Variants in SHLD2 observed in about 807,000 individuals in gnomAD.
SHLD2 encodes shieldin complex subunit 2, also known as RINN1-REV7-interacting novel NHEJ regulator 2.
Under a neutral mutation model 73.2 loss-of-function variants are expected in SHLD2, and 30 were observed. The ratio of observed to expected loss-of-function variants is 0.41; its 90% CI spans 0.31 to 0.56. The LOEUF is 0.56. Among genes scored for constraint, SHLD2 ranks in the 20% least tolerant of loss-of-function variants. The pLI, the probability that SHLD2 is intolerant of heterozygous loss-of-function variation, is 0.28. For missense variants in SHLD2, 745 were observed against 1,055.9 expected (o/e 0.71, Z 4.08); for synonymous variants, 285 against 370.1 (o/e 0.77, Z 2.64).
chr10:87,162,561 G>T (rs1846892205), intron 4 of SHLD2, among the ~76,000 whole-genome samples: 1 of 152,104 alleles, frequency 6.6e-6, no homozygotes, highest in African/African-American at 2.4e-5. Context: ...CGGTGTGGTG[G>T]TGCATGCCTA....
chr10:87,190,239 A>T (rs924492094), intron 9 of SHLD2, among the ~76,000 whole-genome samples: 5 of 152,140 alleles, frequency 3.3e-5, no homozygotes, highest in East Asian at 1.9e-4. Context: ...TTGTATTTTT[A>T]GTAGAGACAG....
chr10:87,133,854 T>C (rs2134173135), intron 2 of SHLD2, among the ~76,000 whole-genome samples: 1 of 152,358 alleles, frequency 6.6e-6, no homozygotes, highest in South Asian at 2.1e-4. Context: ...TAAAGCAAGC[T>C]TAAACTTATA....
intron 2 of SHLD2, among the ~76,000 whole-genome samples, chr10:87,142,073 A>G (rs940755443): frequency 6.6e-6 from 1 of 152,170 alleles, no homozygotes; most frequent in African/African-American, 2.4e-5. Flanking sequence ...ATAAGTACGT[A>G]CAATTACAAT....
chr10:87,145,646 AT>A (rs1355746791), intron 2 of SHLD2, among the ~76,000 whole-genome samples: 1 of 151,372 alleles, frequency 6.6e-6, no homozygotes, highest in East Asian at 1.9e-4. Context: ...TGTAATAAGC[AT>A]TTTTTTTAGT....
chr10:87,138,670 A>G (rs1032555473), intron 2 of SHLD2, among the ~76,000 whole-genome samples: 4 of 152,268 alleles, frequency 2.6e-5, no homozygotes, highest in Non-Finnish European at 4.4e-5. Context: ...TGTAATCTCT[A>G]GAACAAGCAC....
At position 87,144,529 on chromosome 10, in the gene SHLD2, A is replaced by G. The variant is rs182032315; in HGVS notation, c.-5-6821A>G. Among the ~76,000 whole-genome samples, 1,162 of 152,222 alleles carry G rather than the reference A, an allele frequency of 7.6e-3. 17 individuals are homozygous for G. Among genetic ancestry groups the G allele is most frequent in the African/African-American group, 0.027 (1,117 of 41,526 alleles). On this transcript the variant is annotated intron_variant, in intron 2 of 9. Coordinates refer to ENST00000298786, the MANE Select transcript of SHLD2 (RefSeq NM_001330112.2). Reference sequence around the variant, plus strand: ...AACTGCTTTTGTTTCTGAGGAAAAAAATCATCTTATATCCTTTCATAAGTC... The same window carrying G: ...AACTGCTTTTGTTTCTGAGGAAAAAGATCATCTTATATCCTTTCATAAGTC...
intron 2 of SHLD2, among the ~76,000 whole-genome samples, chr10:87,132,493 T>G (rs910236946): frequency 6.6e-6 from 1 of 152,200 alleles, no homozygotes; most frequent in Non-Finnish European, 1.5e-5. Flanking sequence ...GATTATATTT[T>G]GCCAGGTGCA....
intron 2 of SHLD2, among the ~76,000 whole-genome samples, chr10:87,121,015 A>C (rs1359707742): frequency 1.3e-5 from 2 of 152,052 alleles, no homozygotes; most frequent in East Asian, 3.9e-4. Context: ...GCGCCATTGC[A>C]CTCCAGCCTG....
At chr10:87,164,104 C>T (rs1210133478) in intron 4 of SHLD2, among the ~76,000 whole-genome samples, 8 of 151,662 alleles carry the variant, frequency 5.3e-5, no homozygotes, top group Admixed American at 2.6e-4. Flanking sequence ...ACTACAGGTA[C>T]GTGCCACCAC....
rs748605554 is a variant in SHLD2, at chr10:87,152,045, G to T, written c.691G>T (p.Val231Phe). The T allele has an allele frequency of 1.2e-6, 2 of 1,611,918 alleles. No homozygotes were observed. The highest frequency in any genetic ancestry group is 8.5e-7 in the Non-Finnish European group (1 of 1,179,830). The change falls in exon 3 of 10, where the codon GTC becomes TTC. Residue 231 changes from valine to phenylalanine, a missense_variant. Val to Phe is a conservative substitution (Grantham distance 50). Transcript: ENST00000298786. ...KSRSEAAVRK[V>F]SDLKISTDTE... ...AAGGTCTGAAGCAGCAGTTAGGAAG[G>T]TCTCAGACCTTAAAATATCAACTGA...
intron 2 of SHLD2, among the ~76,000 whole-genome samples, chr10:87,123,053 A>G (rs1174470506): frequency 1.3e-5 from 2 of 152,214 alleles, no homozygotes; most frequent in African/African-American, 4.8e-5. Context: ...CTGGGATTAC[A>G]GGCATGAGCC....
chr10:87,116,694 GGGAA>G (rs1843278784), intron 2 of SHLD2, among the ~76,000 whole-genome samples: 1 of 151,880 alleles, frequency 6.6e-6, no homozygotes, highest in Admixed American at 6.6e-5. Flanking sequence ...CAAGCTGAGT[GGGAA>G]TACTTAGAAA....
intron 2 of SHLD2, among the ~76,000 whole-genome samples, chr10:87,101,878 C>A (rs1382961863): frequency 6.6e-6 from 1 of 152,218 alleles, no homozygotes; most frequent in African/African-American, 2.4e-5. Context: ...AGTTCCACTG[C>A]ACTCCAGCCT....
intron 3 of SHLD2, 101 bp downstream of exon 3, chr10:87,152,980 G>A: frequency 8.6e-7 from 1 of 1,168,912 alleles, no homozygotes; most frequent in Non-Finnish European, 1.2e-6. Context: ...TTAGTCATTT[G>A]CCTCTTCTGA....
rs527911944 is a variant in SHLD2, at chr10:87,144,654, T to A, written c.-5-6696T>A. Among the ~76,000 whole-genome samples the A allele has an allele frequency of 2.1e-4, 28 of 135,482 alleles. No individual in the cohort carries two copies. The South Asian group carries it at 6.5e-3, about 31-fold the overall frequency. The allele number at this position is 135,482 out of a possible 152,430, so 88.9% of individuals were successfully genotyped here. A position where few individuals can be genotyped will look rare whatever the true frequency, so the allele number is the denominator to read the frequency against. Reference sequence around the variant, plus strand: ...TTTTTTTTTTTTTTTTGAGATGGTGTCTCGCTTTGTTGCCCAGGCTGGAAT... The same window carrying A: ...TTTTTTTTTTTTTTTTGAGATGGTGACTCGCTTTGTTGCCCAGGCTGGAAT... On this transcript the variant is annotated intron_variant, in intron 2 of 9. Coordinates refer to ENST00000298786, the MANE Select transcript of SHLD2 (RefSeq NM_001330112.2).
intron 2 of SHLD2, chr10:87,115,535 T>C (rs1294670126): frequency 6.6e-6 from 1 of 151,786 alleles, no homozygotes; most frequent in African/African-American, 2.4e-5. Context: ...TTTAACATCA[T>C]GAGGTAGTGG....
rs759188269 is a variant in SHLD2 at position 87,180,257 on chromosome 10, C to T, written c.2353C>T (p.Gln785Ter). The T allele has an allele frequency of 3.1e-6, 5 of 1,612,570 alleles. No individual in the cohort carries two copies. The highest frequency in any genetic ancestry group is 3.4e-6 in the Non-Finnish European group (4 of 1,178,978). Residue 785 changes from glutamine (Q) to a stop codon, truncating the protein, a stop_gained, in exon 8 of 10, where the codon CAA becomes TAA. Coordinates refer to ENST00000298786, the MANE Select transcript of SHLD2 (RefSeq NM_001330112.2). LOFTEE classifies it high-confidence loss of function. ...LETDENRIYKQCFSCLPFTMK... is the reference protein window; with the variant it reads ...LETDENRIYK ...AACAGATGAGAACAGGATCTACAAA[C>T]AATGTTTTAGCTGCTTGCCATTTAC...
At chr10:87,142,913 T>C in intron 2 of SHLD2, among the ~76,000 whole-genome samples, 1 of 148,274 alleles carries the variant, frequency 6.7e-6, no homozygotes, top group African/African-American at 2.5e-5. Context: ...TCAGTCCTTT[T>C]TATTTTTACT....
intron 2 of SHLD2, among the ~76,000 whole-genome samples, chr10:87,118,131 T>G (rs948304991): frequency 2.0e-5 from 3 of 152,234 alleles, no homozygotes; most frequent in African/African-American, 7.2e-5. Flanking sequence ...TAAGTTACAC[T>G]GCTAAGCTAG....
Sources: gnomAD v4.1 joint callset for allele counts (sites outside exome capture counted in the v4.1 genomes callset) on GRCh38, gnomAD v4.1.1 for gene constraint, MANE v1.5 for transcripts, NCBI Gene and HGNC (gene_info 2026-07-23, HGNC 2026-07-21) for gene names.